Variants in RARS2 observed in about 807,000 individuals in gnomAD.
RARS2 encodes arginyl-tRNA synthetase 2, mitochondrial.
In RARS2, 67 loss-of-function variants were observed where a neutral mutation model predicts 88.5. That is an observed-to-expected ratio of 0.76 (90% CI 0.62 to 0.93). The LOEUF is 0.93. Among genes scored for constraint, RARS2 ranks in the 40% least tolerant of loss-of-function variants. The pLI is 0.00. For missense variants in RARS2, 664 were observed against 684.2 expected, an observed-to-expected ratio of 0.97 and a Z score of 0.33; for synonymous variants, 239 against 230.3, an observed-to-expected ratio of 1.04 and a Z score of -0.34.
intron 8 of RARS2, among the ~76,000 whole-genome samples, chr6:87,538,480 TAGAA>T (rs1243191828): frequency 6.6e-6 from 1 of 152,212 alleles, no homozygotes; most frequent in African/African-American, 2.4e-5. Context: ...TTAAACTGCA[TAGAA>T]AGAAATATAT....
At chr6:87,588,841 A>G (rs2128235547) in intron 1 of RARS2, among the ~76,000 whole-genome samples, 1 of 152,218 alleles carries the variant, frequency 6.6e-6, no homozygotes, top group South Asian at 2.1e-4. Flanking sequence ...ACCAGCCTTA[A>G]GCCATACCCA....
chr6:87,559,009 C>T (rs1217542078), intron 4 of RARS2, among the ~76,000 whole-genome samples: 1 of 152,126 alleles, frequency 6.6e-6, no homozygotes, highest in East Asian at 1.9e-4. Context: ...ATTGATGATC[C>T]TGACCCTGTG....
chr6:87,547,395 T>C (rs1184073424), intron 6 of RARS2, among the ~76,000 whole-genome samples: 2 of 152,212 alleles, frequency 1.3e-5, no homozygotes, highest in Admixed American at 6.5e-5. Flanking sequence ...CTGAAAAGTA[T>C]TGAAGTACAG....
chr6:87,560,942 C>T (rs1787668586), intron 4 of RARS2, among the ~76,000 whole-genome samples: 1 of 152,138 alleles, frequency 6.6e-6, no homozygotes, highest in African/African-American at 2.4e-5. Flanking sequence ...ATGGTGTAAA[C>T]CAACTTACTG....
intron 10 of RARS2, among the ~76,000 whole-genome samples, chr6:87,527,091 AG>A (rs1328232520): frequency 6.6e-6 from 1 of 151,882 alleles, no homozygotes; most frequent in African/African-American, 2.4e-5. Context: ...CGGGTAGATC[AG>A]GAGGTCAGGA....
rs28381458 is a variant in RARS2 at position 87,589,919 on chromosome 6, T to C, written c.36+3A>G. The C allele has an allele frequency of 3.0e-5, 48 of 1,614,040 alleles. No individual in the cohort carries two copies. Among genetic ancestry groups the C allele is most frequent in the Non-Finnish European group, 3.8e-5 (45 of 1,180,034 alleles). ...ACTCCTCTGCGCGCTCCGGGATCCA[T>C]ACCTGGCAAGCAATAGCGCGGCGAA... On this transcript the variant is annotated splice_donor_region_variant and intron_variant, in intron 1 of 19. Coordinates refer to ENST00000369536, the MANE Select transcript of RARS2 (RefSeq NM_020320.5).
chr6:87,586,944 T>A (rs544448728), intron 1 of RARS2, among the ~76,000 whole-genome samples: 1 of 152,088 alleles, frequency 6.6e-6, no homozygotes, highest in South Asian at 2.1e-4. Context: ...GGTCTTGCTT[T>A]ACCACCCACG....
intron 1 of RARS2, among the ~76,000 whole-genome samples, chr6:87,571,785 G>A (rs966038007): frequency 9.2e-5 from 14 of 152,144 alleles, no homozygotes; most frequent in African/African-American, 3.4e-4. Context: ...CATATTAACC[G>A]TAAAAACTTG....
At chr6:87,526,632 G>C (rs1775820253) in intron 10 of RARS2, among the ~76,000 whole-genome samples, 1 of 150,752 alleles carries the variant, frequency 6.6e-6, no homozygotes, top group African/African-American at 2.4e-5. Context: ...GAATAGAATA[G>C]AGAGCCTAGA....
chr6:87,589,680 A>G, intron 1 of RARS2: 1 of 985,290 alleles, frequency 1.0e-6, no homozygotes, highest in South Asian at 4.7e-5. Flanking sequence ...GGTGGGAAGG[A>G]GAGAAGAAAG....
chr6:87,571,212 G>A (rs1425081338), intron 1 of RARS2, among the ~76,000 whole-genome samples: 1 of 152,058 alleles, frequency 6.6e-6, no homozygotes, highest in Non-Finnish European at 1.5e-5. Flanking sequence ...TAGTTCTCAC[G>A]AGATCTGATG....
intron 5 of RARS2, 45 bp from the exon 6 acceptor site, chr6:87,548,691 C>T (rs1301813084): frequency 1.3e-6 from 2 of 1,558,706 alleles, no homozygotes; most frequent in Non-Finnish European, 1.8e-6. Flanking sequence ...AGACTTAAGA[C>T]TTCTAAGAAT....
rs139675111 is a variant in RARS2 at position 87,528,319 on chromosome 6, G to C, written c.878+1223C>G. On this transcript the variant is annotated intron_variant, in intron 10 of 19. Coordinates refer to ENST00000369536, the MANE Select transcript of RARS2 (RefSeq NM_020320.5). ...ACCCTTGTACACTGTTGGTGGGAAT[G>C]TTGGTATAGCCATTATGGAAAACAA... Among the ~76,000 whole-genome samples, 37 of 151,000 alleles carry C rather than the reference G, an allele frequency of 2.5e-4. No individual in the cohort carries two copies. In the East Asian group the frequency reaches 6.8e-3, roughly 28 times the overall value.
chr6:87,573,519 G>C (rs1770444399), intron 1 of RARS2, among the ~76,000 whole-genome samples: 1 of 152,134 alleles, frequency 6.6e-6, no homozygotes, highest in East Asian at 1.9e-4. Context: ...GGGTGAATGT[G>C]GAGTTATTGT....
intron 1 of RARS2, chr6:87,589,584 TAA>T: frequency 1.2e-6 from 1 of 825,944 alleles, no homozygotes; most frequent in Non-Finnish European, 1.5e-6. Context: ...TCAATGTCAC[TAA>T]AGTGTAAAGA....
intron 12 of RARS2, 79 bp from the exon 13 acceptor site, chr6:87,520,335 A>AATTTGATTC: frequency 8.5e-7 from 1 of 1,172,878 alleles, no homozygotes; most frequent in Non-Finnish European, 1.2e-6. Flanking sequence ...GAATCAAATT[A>AATTTGATTC]AGATATTTGA....
rs760844669 is a variant in RARS2, at chr6:87,518,241, C to T, written c.1439G>A (p.Gly480Glu). Residue 480 changes from glycine to glutamate, a missense_variant, in exon 17 of 20, where the codon GGG (glycine) becomes GAG (glutamate). Transcript: ENST00000369536. ...LHSLEETFGC[G>E]YLNDFNTACL... is the part of the protein sequence containing the mutation. ...AGCAGTGTTGAAGTCATTCAGGTAC[C>T]CACATCCAAAAGTCTCTTCCAAACT... 8 of 1,614,062 alleles carry T rather than the reference C, an allele frequency of 5.0e-6. No individual in the cohort carries two copies. The highest frequency in any genetic ancestry group is 6.8e-6 in the Non-Finnish European group (8 of 1,180,006).
intron 11 of RARS2, among the ~76,000 whole-genome samples, chr6:87,521,759 A>G (rs1773925547): frequency 6.6e-6 from 1 of 152,160 alleles, no homozygotes; most frequent in Non-Finnish European, 1.5e-5. Flanking sequence ...TAAAATAAAT[A>G]TAAATAAATA....
Position 87,518,182 on chromosome 6 carries a change from GA to G in RARS2, c.1497del (p.Gln500SerfsTer27). The G allele has an allele frequency of 6.2e-7, 1 of 1,614,174 alleles. No homozygotes were observed. Among genetic ancestry groups the G allele is most frequent in the East Asian group, 2.2e-5 (1 of 44,862 alleles). Reference protein sequence around the residue: ...CLQEPQSVSILQHLLRFDEVL... With the variant: ...CLQEPQSVSIXQHLLRFDEVL... ...AAAACATCATACCTGAGAAGATGCT[GA>G]AGAATTGAAACAGACTGTGGCTCTT... On this transcript the variant is annotated frameshift_variant, in exon 17 of 20. Transcript: ENST00000369536. LOFTEE classifies it high-confidence loss of function.
Sources: gnomAD v4.1 joint callset for allele counts (sites outside exome capture counted in the v4.1 genomes callset) on GRCh38, gnomAD v4.1.1 for gene constraint, MANE v1.5 for transcripts, NCBI Gene and HGNC (gene_info 2026-07-23, HGNC 2026-07-21) for gene names.